PPFIA3: variants seen among roughly 807,000 people sequenced by gnomAD.
The protein encoded by PPFIA3 is liprin-alpha-3.
A neutral mutation model predicts 145.8 loss-of-function variants in PPFIA3; 26 were observed. The ratio of observed to expected loss-of-function variants is 0.18; its 90% confidence interval spans 0.13 to 0.25. The LOEUF is 0.25. Ranked by LOEUF, PPFIA3 falls within the 10% of genes least tolerant of loss-of-function variation. The pLI is 1.00. For synonymous variants in PPFIA3, 645 were observed against 661.4 expected, an observed-to-expected ratio of 0.98 and a Z score of 0.38; for missense variants, 1,008 against 1,587.8, an observed-to-expected ratio of 0.63 and a Z score of 6.21.
At chr19:49,132,053 A>C (rs2041079935) in intron 7 of PPFIA3, among the ~76,000 whole-genome samples, 1 of 148,814 alleles carries the variant, frequency 6.7e-6, no homozygotes, top group Non-Finnish European at 1.5e-5. Flanking sequence ...GAATCACTTG[A>C]GCTTGGGAGG....
rs1363468861 is a variant in PPFIA3 at position 49,133,966 on chromosome 19, G to A, written c.1246-68G>A. On this transcript the variant is annotated intron_variant, in intron 10 of 29. Transcript: ENST00000334186. This position sits in a 1 kb window ranked among gnomAD's most constrained non-coding sequence, Gnocchi z 7.2. ...GAGGCTGGGCTGGGCCCGGGGGTGG[G>A]GCTTAGAGGAAGGGCCGTGGTCTGG... The A allele has an allele frequency of 1.9e-6, 3 of 1,605,180 alleles. No homozygotes were observed. Among genetic ancestry groups the A allele is most frequent in the Non-Finnish European group, 2.6e-6 (3 of 1,175,478 alleles).
intron 29 of PPFIA3, 23 bp downstream of exon 29, chr19:49,150,174 T>G (rs752520864): frequency 6.3e-7 from 1 of 1,589,254 alleles, no homozygotes; most frequent in East Asian, 2.3e-5. Flanking sequence ...CTGGGCGACC[T>G]TGGGGGTGCG....
intron 7 of PPFIA3, among the ~76,000 whole-genome samples, chr19:49,131,388 T>A (rs1215479782): frequency 6.8e-6 from 1 of 148,138 alleles, no homozygotes; most frequent in Non-Finnish European, 1.5e-5. Flanking sequence ...TTTCACTATA[T>A]TGGCCAGGCT....
Position 49,149,437 on chromosome 19 carries a change from A to AGG in PPFIA3, c.3355-107_3355-106dup. ...TCACGGTTGGAGGCGGGGCCAGGAG[A>AGG]GGGGCGGGGTTAAAGGAGAGGTGAG... On this transcript the variant is annotated intron_variant, in intron 27 of 29. Coordinates refer to ENST00000334186, the MANE Select transcript of PPFIA3 (RefSeq NM_003660.4). The surrounding 1 kb of genome is among the most constrained non-coding windows in gnomAD (Gnocchi z 5.7). 1.3e-6 allele frequency: 2 copies of AGG among 1,582,430 alleles called. No individual in the cohort carries two copies. Among genetic ancestry groups the AGG allele is most frequent in the South Asian group, 2.2e-5 (2 of 90,012 alleles).
intron 15 of PPFIA3, chr19:49,137,227 A>G (rs1180000635): frequency 2.4e-5 from 6 of 254,008 alleles, no homozygotes; most frequent in Admixed American, 5.5e-5. Context: ...GTGGTTTCAC[A>G]TAACCAGTGC....
In PPFIA3 at chr19:49,134,051, G is replaced by A; in HGVS notation, c.1263G>A (p.Lys421=). Residue 421 remains lysine, a synonymous_variant, in exon 11 of 30, where the codon AAG becomes AAA. Coordinates refer to ENST00000334186, the MANE Select transcript of PPFIA3 (RefSeq NM_003660.4). The part of the protein sequence containing the change: ...QELQRARQRE[K]MNDDHNKRLS... ...TTGCGCAGGCCCGGCAGCGGGAGAA[G>A]ATGAACGATGACCACAATAAGCGGC... The A allele has an allele frequency of 1.2e-6, 2 of 1,613,360 alleles. No homozygotes were observed.
rs1291573369 is a variant in PPFIA3 at position 49,146,016 on chromosome 19, C to A, written c.2808+11C>A. ...GCCACGACCAAGCCCGTGAGTGCCCCCTGCCGGCCGCCTTGGGGGTGGCAC... is the reference window on the plus strand; with the variant it reads ...GCCACGACCAAGCCCGTGAGTGCCCACTGCCGGCCGCCTTGGGGGTGGCAC... On this transcript the variant is annotated intron_variant, in intron 22 of 29. Coordinates refer to ENST00000334186, the MANE Select transcript of PPFIA3 (RefSeq NM_003660.4). 4 of 1,613,864 alleles carry A rather than the reference C, an allele frequency of 2.5e-6. No individual in the cohort carries two copies. Among genetic ancestry groups the A allele is most frequent in the Non-Finnish European group, 3.4e-6 (4 of 1,179,802 alleles).
chr19:49,136,521 G>A (rs1054648615), intron 14 of PPFIA3, among the ~76,000 whole-genome samples: 1 of 152,214 alleles, frequency 6.6e-6, no homozygotes, highest in Non-Finnish European at 1.5e-5. Context: ...CCTGGGAGGC[G>A]TAACCCGAGA....
chr19:49,134,181 A>G lies in PPFIA3; in HGVS notation c.1377+16A>G, dbSNP rs1600335549. 1.9e-6 allele frequency: 3 copies of G among 1,578,308 alleles called. No individual in the cohort carries two copies. The highest frequency in any genetic ancestry group is 4.5e-5 in the East Asian group (2 of 44,472). ...GGAGGAGAAGGTGCGCCCCCCATAC[A>G]GGACTGCGGGACGCGGAATTCCGGG... On this transcript the variant is annotated intron_variant, in intron 11 of 29. Coordinates refer to ENST00000334186, the MANE Select transcript of PPFIA3 (RefSeq NM_003660.4).
chr19:49,138,004 C>T (rs996963023), intron 15 of PPFIA3, among the ~76,000 whole-genome samples: 2 of 152,166 alleles, frequency 1.3e-5, no homozygotes, highest in African/African-American at 4.8e-5. Context: ...CCTGCAATGA[C>T]TTCCTGAGAC....
At chr19:49,134,501 C>T (rs2041113989) in intron 11 of PPFIA3, 138 bp from the exon 12 acceptor site, 1 of 823,620 alleles carries the variant, frequency 1.2e-6, no homozygotes, top group Non-Finnish European at 2.0e-6. Flanking sequence ...GCCCCTGCTC[C>T]CCCGAAACTC....
intron 16 of PPFIA3, among the ~76,000 whole-genome samples, chr19:49,138,999 T>A (rs1360357416): frequency 1.3e-5 from 2 of 151,462 alleles, no homozygotes; most frequent in African/African-American, 4.9e-5. Context: ...TGTGACAACA[T>A]GCATTGGAGA....
intron 15 of PPFIA3, chr19:49,137,179 T>C (rs1249277576): frequency 2.8e-5 from 10 of 359,674 alleles, no homozygotes; most frequent in Non-Finnish European, 4.5e-5. Context: ...CCAGTTCCTC[T>C]TGATGCATCA....
intron 19 of PPFIA3, 28 bp downstream of exon 19, chr19:49,141,541 T>A (rs1324573479): frequency 4.5e-6 from 7 of 1,572,712 alleles, no homozygotes; most frequent in Non-Finnish European, 6.1e-6. Flanking sequence ...TGAGCGTGTG[T>A]GTGTGTATGT....
intron 15 of PPFIA3, among the ~76,000 whole-genome samples, chr19:49,137,744 T>G (rs528238718): frequency 6.6e-6 from 1 of 151,394 alleles, no homozygotes; most frequent in Non-Finnish European, 1.5e-5. Flanking sequence ...TCTCTTATAA[T>G]GTACTCCCCA....
intron 1 of PPFIA3, among the ~76,000 whole-genome samples, chr19:49,121,472 G>C (rs1350747567): frequency 6.6e-6 from 1 of 152,020 alleles, no homozygotes; most frequent in Admixed American, 6.6e-5. Flanking sequence ...ACCAGGCCTG[G>C]CTAATTAAAA....
chr19:49,125,977 G>T (rs1358600333), intron 1 of PPFIA3, among the ~76,000 whole-genome samples: 1 of 151,606 alleles, frequency 6.6e-6, no homozygotes, highest in Non-Finnish European at 1.5e-5. Flanking sequence ...TTTGAGACTG[G>T]GTCTCTCTAT....
Position 49,149,285 on chromosome 19 carries a change from G to A in PPFIA3, c.3314G>A (p.Ser1105Asn), listed in dbSNP as rs780234528. ...CGGCAGCTTCTGGAGAAGGAATTCA[G>A]CAACCTTATCTCCTTAGGCACAGAC... ...QARQLLEKEF[S>N]NLISLGTDRR... The change falls in exon 27 of 30, where the codon AGC becomes AAC. Residue 1105 changes from serine to asparagine, a missense_variant. By Grantham distance (46) the Ser-to-Asn change is conservative. Coordinates refer to ENST00000334186, the MANE Select transcript of PPFIA3 (RefSeq NM_003660.4). This position sits in a 1 kb window ranked among gnomAD's most constrained non-coding sequence, Gnocchi z 5.7. The A allele has an allele frequency of 8.1e-6, 13 of 1,614,164 alleles. No individual in the cohort carries two copies. The highest frequency in any genetic ancestry group is 6.8e-6 in the Non-Finnish European group (8 of 1,180,020).
chr19:49,135,618 C>T (rs1396023254), intron 13 of PPFIA3, among the ~76,000 whole-genome samples, 161 bp from the exon 14 acceptor site: 1 of 152,206 alleles, frequency 6.6e-6, no homozygotes, highest in African/African-American at 2.4e-5. Context: ...TATCTGCCCA[C>T]CTCAGCCTCC....
Sources: allele counts gnomAD v4.1 joint callset (sites outside exome capture counted in the v4.1 genomes callset), GRCh38; gene constraint gnomAD v4.1.1; non-coding constraint Gnocchi (gnomAD v3.1); transcripts MANE v1.5; gene names NCBI Gene and HGNC (gene_info 2026-07-23, HGNC 2026-07-21).